Variants in CHD8 observed in about 807,000 individuals in gnomAD.
The protein encoded by CHD8 is ATP-dependent chromatin remodeler CHD8.
A neutral mutation model predicts 279.2 loss-of-function variants in CHD8; 31 were observed. The observed-to-expected ratio is 0.11, with a 90% confidence interval of 0.08 to 0.15. CHD8 has a LOEUF of 0.15. Ranked by LOEUF, CHD8 falls within the 10% of genes least tolerant of loss-of-function variation. The probability of loss-of-function intolerance (pLI) is 1.00; values close to 1 mark genes in which losing one functional copy is unlikely to be tolerated. For synonymous variants in CHD8, 1,081 were observed against 1,139.6 expected (o/e 0.95, Z 1.04); for missense variants, 2,146 against 3,230.5 (o/e 0.66, Z 8.14).
rs1439575490 is a variant in CHD8, at chr14:21,431,833, G to A, written c.-190C>T. 7 of 1,612,520 alleles carry A rather than the reference G, an allele frequency of 4.3e-6. No individual in the cohort carries two copies. Among genetic ancestry groups the A allele is most frequent in the Non-Finnish European group, 5.1e-6 (6 of 1,178,530 alleles). The stretch of plus-strand genomic sequence containing the variant: ...GACCTTCATGGAGCAAGATGGCTAC[G>A]TCTTCAGAGGAAGATGGTGGAACTC... On this transcript the variant is annotated 5_prime_UTR_variant, in exon 2 of 38. It adds an upstream start codon to the 5' untranslated region. Transcript: ENST00000646647.
chr14:21,386,537 C>T (rs1321752127), intron 37 of CHD8, among the ~76,000 whole-genome samples: 2 of 152,056 alleles, frequency 1.3e-5, no homozygotes, highest in East Asian at 3.9e-4. Flanking sequence ...AGTAAATGCA[C>T]ATAAAAAAAA....
chr14:21,385,492 C>A lies in CHD8; in HGVS notation c.*121G>T. On this transcript the variant is annotated 3_prime_UTR_variant, in exon 38 of 38. Coordinates refer to ENST00000646647, the MANE Select transcript of CHD8 (RefSeq NM_001170629.2). ...TACATTTTTTTTTTTTTTTCCTTTT[C>A]ACCTCCTGGAGTCCTGGACTTCCCC... 8.7e-6 allele frequency: 11 copies of A among 1,260,664 alleles called. No individual in the cohort carries two copies. The highest frequency in any genetic ancestry group is 2.1e-5 in the South Asian group (1 of 48,134). The allele number at this position is 1,260,664 out of a possible 1,614,324, so 78.1% of individuals were successfully genotyped here. A position where few individuals can be genotyped will look rare whatever the true frequency, so the allele number is the denominator to read the frequency against.
intron 1 of CHD8, among the ~76,000 whole-genome samples, chr14:21,448,150 C>G (rs946968961): frequency 2.0e-5 from 3 of 152,184 alleles, no homozygotes; most frequent in Admixed American, 2.0e-4. Context: ...ATTGTTTTCA[C>G]TGCAACCATT....
At chr14:21,449,871 C>T (rs1890216758) in intron 1 of CHD8, among the ~76,000 whole-genome samples, 1 of 152,176 alleles carries the variant, frequency 6.6e-6, no homozygotes, top group Non-Finnish European at 1.5e-5. Context: ...GAAGTAACCA[C>T]TGCCTACACT....
At position 21,385,694 on chromosome 14, in the gene CHD8, A is replaced by G. The variant is rs61748933; in HGVS notation, c.7665T>C (p.Asp2555=). 0.022 allele frequency: 34,695 copies of G among 1,551,912 alleles called. 423 individuals are homozygous for G. Among genetic ancestry groups the G allele is most frequent in the Non-Finnish European group, 0.027 (30,772 of 1,147,020 alleles). Residue 2555 remains aspartate, a synonymous_variant, in exon 38 of 38, where the codon GAT becomes GAC. Coordinates refer to ENST00000646647, the MANE Select transcript of CHD8 (RefSeq NM_001170629.2). ...TGAGTGAGAAGTCCCTTTCTGAGCTATCATAGCCCTGAGATAAGTCATCAT... is the reference window on the plus strand; with the variant it reads ...TGAGTGAGAAGTCCCTTTCTGAGCTGTCATAGCCCTGAGATAAGTCATCAT... The part of the protein sequence containing the change: ...EDDDDLSQGY[D]SSERDFSLID...
chr14:21,394,605 CAAAAAAAA>C, intron 30 of CHD8, 120 bp from the exon 31 acceptor site: 1 of 108,314 alleles, frequency 9.2e-6, no homozygotes, highest in South Asian at 2.5e-4. Flanking sequence ...AAAGTAGACG[CAAAAAAAA>C]AAAAAAAAAA....
rs537997293 is a variant in CHD8, at chr14:21,440,523, A to G, written c.-215-8665T>C. On this transcript the variant is annotated intron_variant, in intron 1 of 37. Transcript: ENST00000646647. ...CATCCAGCCAAGAAAATAGTTTCTTAAACAATGAGGAAAAGTTACCAGGTG... is the reference window on the plus strand; with the variant it reads ...CATCCAGCCAAGAAAATAGTTTCTTGAACAATGAGGAAAAGTTACCAGGTG... 3.3e-5 allele frequency among the ~76,000 whole-genome samples: 5 copies of G among 152,214 alleles called. No homozygotes were observed. In the East Asian group the frequency reaches 9.7e-4, roughly 29 times the overall value.
chr14:21,412,077 A>AAAAAAG (rs1369417120), intron 10 of CHD8, among the ~76,000 whole-genome samples: 2 of 152,136 alleles, frequency 1.3e-5, no homozygotes, highest in Admixed American at 6.5e-5. Context: ...AAAAACCAAA[A>AAAAAAG]AAAAAGAAAA....
chr14:21,402,048 T>C lies in CHD8; in HGVS notation c.3971A>G (p.Lys1324Arg), dbSNP rs1485400537. ...CTGGTCAATGTCCTCTTCACAAAACTTGGAGCCTTCATCATCTTCCTCCAT... is the reference window on the plus strand; with the variant it reads ...CTGGTCAATGTCCTCTTCACAAAACCTGGAGCCTTCATCATCTTCCTCCAT... ...AIMEEDDEGSKFCEEDIDQIL... is the reference protein window; with the variant it reads ...AIMEEDDEGSRFCEEDIDQIL... The change falls in exon 20 of 38, where the codon AAG becomes AGG. Residue 1324 changes from lysine (K) to arginine (R), a missense_variant. Transcript: ENST00000646647. This position sits in a 1 kb window ranked among gnomAD's most constrained non-coding sequence, Gnocchi z 4.5. The C allele has an allele frequency of 6.2e-7, 1 of 1,613,596 alleles. No homozygotes were observed. Among genetic ancestry groups the C allele is most frequent in the African/African-American group, 1.3e-5 (1 of 74,914 alleles).
intron 1 of CHD8, among the ~76,000 whole-genome samples, chr14:21,435,089 C>T (rs1232407056): frequency 6.6e-6 from 1 of 152,114 alleles, no homozygotes; most frequent in African/African-American, 2.4e-5. Flanking sequence ...CCCACCAGTC[C>T]CCAAAAGAGA....
At chr14:21,398,027 A>G in intron 26 of CHD8, 75 bp from the exon 27 acceptor site, 1 of 1,350,508 alleles carries the variant, frequency 7.4e-7, no homozygotes, top group South Asian at 1.4e-5. Flanking sequence ...TGCTGCTGGA[A>G]TAATTAGAAT....
At chr14:21,417,882 A>G in intron 5 of CHD8, among the ~76,000 whole-genome samples, 1 of 138,878 alleles carries the variant, frequency 7.2e-6, no homozygotes, top group South Asian at 2.2e-4. Flanking sequence ...ATATATATAT[A>G]ATATATATAT....
intron 5 of CHD8, among the ~76,000 whole-genome samples, chr14:21,423,985 T>C (rs1323801799): frequency 1.3e-5 from 2 of 152,214 alleles, no homozygotes; most frequent in African/African-American, 4.8e-5. Flanking sequence ...TCAACCACTA[T>C]GCTGTTCATG....
In CHD8 at chr14:21,408,608, A is replaced by G; in HGVS notation, c.2487-53T>C. 7 of 1,570,978 alleles carry G rather than the reference A, an allele frequency of 4.5e-6. No individual in the cohort carries two copies. The highest frequency in any genetic ancestry group is 1.4e-5 in the African/African-American group (1 of 72,754). On this transcript the variant is annotated intron_variant, in intron 12 of 37. Transcript: ENST00000646647. This position sits in a 1 kb window ranked among gnomAD's most constrained non-coding sequence, Gnocchi z 4.3. ...ATGTTAAAAGATACTATCTTTAAAAAAAATAGAGTATGTAGGAAGAAATTG... is the reference window on the plus strand; with the variant it reads ...ATGTTAAAAGATACTATCTTTAAAAGAAATAGAGTATGTAGGAAGAAATTG...
intron 5 of CHD8, among the ~76,000 whole-genome samples, chr14:21,417,865 A>AATATAT (rs61023144): frequency 1.0e-5 from 1 of 98,358 alleles, no homozygotes; most frequent in African/African-American, 3.6e-5. Context: ...AAAAAAAAAA[A>AATATAT]ATATATATAT....
chr14:21,393,815 C>T lies in CHD8; in HGVS notation c.5980G>A (p.Ala1994Thr). The T allele has an allele frequency of 6.2e-7, 1 of 1,613,894 alleles. No homozygotes were observed. The highest frequency in any genetic ancestry group is 1.3e-5 in the African/African-American group (1 of 75,014). ...TCTGGGCGCAGGGGCAGTGGTGAGG[C>T]AGTGCGTGAGGTATACTGCTGGTGC... ...LLHQQYTSRT[A>T]SPLPLRPDAP... Residue 1994 changes from alanine to threonine, a missense_variant, in exon 32 of 38, where the codon GCC becomes ACC. Ala to Thr is a moderately conservative substitution (Grantham distance 58). Transcript: ENST00000646647.
At chr14:21,438,343 G>C (rs140500813) in intron 1 of CHD8, among the ~76,000 whole-genome samples, 1 of 151,942 alleles carries the variant, frequency 6.6e-6, no homozygotes, top group African/African-American at 2.4e-5. Context: ...TTACAGGCGT[G>C]AGCCATCACG....
Position 21,418,643 on chromosome 14 carries a change from G to A in CHD8, c.1717-2736C>T, listed in dbSNP as rs60616010. On this transcript the variant is annotated intron_variant, in intron 5 of 37. Coordinates refer to ENST00000646647, the MANE Select transcript of CHD8 (RefSeq NM_001170629.2). The stretch of plus-strand genomic sequence containing the variant: ...ATCCTGGCTAACACGGTGAAACCCC[G>A]TCTCCACTAAAAATATAAAAAAATT... Among the ~76,000 whole-genome samples the A allele has an allele frequency of 2.8e-3, 419 of 152,190 alleles. 2 individuals carry two copies. Among genetic ancestry groups the A allele is most frequent in the African/African-American group, 9.7e-3 (401 of 41,512 alleles).
chr14:21,414,751 C>T (rs1392770490), intron 8 of CHD8, 187 bp downstream of exon 8: 1 of 638,442 alleles, frequency 1.6e-6, no homozygotes, highest in African/African-American at 1.9e-5. Context: ...CACTTACCTA[C>T]AAGGAAATAA....
Sources: allele counts gnomAD v4.1 joint callset (sites outside exome capture counted in the v4.1 genomes callset), GRCh38; gene constraint gnomAD v4.1.1; non-coding constraint Gnocchi (gnomAD v3.1); transcripts MANE v1.5; gene names NCBI Gene and HGNC (gene_info 2026-07-23, HGNC 2026-07-21).